The following ZNF92 variants were observed in gnomAD, a reference collection of about 807,000 sequenced individuals.
The protein encoded by ZNF92 is zinc finger protein 92.
A neutral mutation model predicts 12.4 loss-of-function variants in ZNF92; 11 were observed. That is an observed-to-expected ratio of 0.89 (90% confidence interval 0.56 to 1.47). The LOEUF is 1.47. ZNF92 is among the 40% of genes most tolerant of loss of function. The probability of loss-of-function intolerance (pLI) is 0.00; values close to 1 mark genes in which losing one functional copy is unlikely to be tolerated. For missense variants in ZNF92, 622 were observed against 681.0 expected (o/e 0.91, Z 0.96); for synonymous variants, 206 against 228.6 (o/e 0.90, Z 0.89).
At chr7:65,381,767 T>A (rs1169016947) in intron 1 of ZNF92, among the ~76,000 whole-genome samples, 1 of 152,146 alleles carries the variant, frequency 6.6e-6, no homozygotes, top group East Asian at 1.9e-4. Flanking sequence ...AGCTATTTAT[T>A]ACAACACCAT....
At chr7:65,390,089 T>G (rs1793671465) in intron 3 of ZNF92, among the ~76,000 whole-genome samples, 1 of 152,260 alleles carries the variant, frequency 6.6e-6, no homozygotes, top group South Asian at 2.1e-4. Context: ...TAAGATTGTT[T>G]TTTTCCTCTT....
At chr7:65,381,601 C>T (rs951928964) in intron 1 of ZNF92, among the ~76,000 whole-genome samples, 7 of 151,934 alleles carry the variant, frequency 4.6e-5, no homozygotes, top group East Asian at 3.9e-4. Flanking sequence ...ATCATAATAT[C>T]GTTGGCAGTT....
rs1793977825 is a variant in ZNF92, at chr7:65,400,231, C to T, written c.*356C>T. On this transcript the variant is annotated 3_prime_UTR_variant, in exon 4 of 4. Transcript: ENST00000328747. ...AGCCTTTAATACGAGGAAGAGTATT[C>T]TTAAGATGAACATTACAAATAGAAA... is the stretch of plus-strand genomic sequence containing the variant. The T allele has an allele frequency of 6.0e-6, 1 of 167,512 alleles. No individual in the cohort carries two copies. Among genetic ancestry groups the T allele is most frequent in the African/African-American group, 2.4e-5 (1 of 41,642 alleles). The allele number at this position is 167,512 out of a possible 1,614,324, so 10.4% of individuals were successfully genotyped here. A position where few individuals can be genotyped will look rare whatever the true frequency, so the allele number is the denominator to read the frequency against.
intron 1 of ZNF92, among the ~76,000 whole-genome samples, chr7:65,377,450 G>C (rs1315302250): frequency 6.6e-6 from 1 of 152,156 alleles, no homozygotes; most frequent in African/African-American, 2.4e-5. Flanking sequence ...CATTAAGATG[G>C]AAGGGGATTG....
rs1793969376 is a variant in ZNF92 at position 65,400,007 on chromosome 7, T to C, written c.*132T>C. 4.9e-6 allele frequency: 4 copies of C among 815,806 alleles called. No individual in the cohort carries two copies. The highest frequency in any genetic ancestry group is 3.3e-5 in the Admixed American group (1 of 30,160). 50.5% of individuals were successfully genotyped at this position (815,806 alleles called of 1,614,324 possible). On this transcript the variant is annotated 3_prime_UTR_variant, in exon 4 of 4. Transcript: ENST00000328747. ...GCTTGATTGTAGGTAAGATAATTTA[T>C]ATTGGAGAAAAATCCTCCAAGTATG...
At chr7:65,392,071 T>TAC (rs1174542105) in intron 3 of ZNF92, among the ~76,000 whole-genome samples, 1 of 152,152 alleles carries the variant, frequency 6.6e-6, no homozygotes, top group East Asian at 1.9e-4. Flanking sequence ...CTTCTGTTTG[T>TAC]ACACTTTAAG....
rs573014203 is a variant in ZNF92, at chr7:65,379,563, C to T, written c.3+5563C>T. On this transcript the variant is annotated intron_variant, in intron 1 of 3. Coordinates refer to ENST00000328747, the MANE Select transcript of ZNF92 (RefSeq NM_152626.4). ...ATTCCCACCCACTTACAAACATACT[C>T]ACTAGACATTGATGTGCACACACTC... Among the ~76,000 whole-genome samples the T allele has an allele frequency of 1.5e-4, 23 of 152,254 alleles. 1 individual carries two copies. Among genetic ancestry groups the T allele is most frequent in the African/African-American group, 5.1e-4 (21 of 41,558 alleles).
In ZNF92 at chr7:65,373,892, A is replaced by C. The variant is rs1188205797; in HGVS notation, c.-106A>C. On this transcript the variant is annotated 5_prime_UTR_variant, in exon 1 of 4. Transcript: ENST00000328747. Reference sequence around the variant, plus strand: ...AGCCGGCGCTCCACGTCTAGTCTTCACTGCTCTGCGTCCTGTGCTGATAAA... The same window carrying C: ...AGCCGGCGCTCCACGTCTAGTCTTCCCTGCTCTGCGTCCTGTGCTGATAAA... 19 of 1,515,342 alleles carry C rather than the reference A, an allele frequency of 1.3e-5. No homozygotes were observed. The highest frequency in any genetic ancestry group is 1.7e-5 in the Admixed American group (1 of 59,734). 93.9% of individuals were successfully genotyped at this position (1,515,342 alleles called of 1,614,324 possible). A position where few individuals can be genotyped will look rare whatever the true frequency, so the allele number is the denominator to read the frequency against.
intron 3 of ZNF92, among the ~76,000 whole-genome samples, chr7:65,392,550 T>C (rs1409898373): frequency 6.6e-6 from 1 of 151,228 alleles, no homozygotes; most frequent in African/African-American, 2.4e-5. Flanking sequence ...TTTTTTTTTT[T>C]TTTGAGATGG....
rs1793905465 is a variant in ZNF92 at position 65,398,506 on chromosome 7, A to G, written c.392A>G (p.Asn131Ser). ...DACKVYKGGYNGLNQCLTTTD... is the reference protein window; with the variant it reads ...DACKVYKGGYSGLNQCLTTTD... ...TGTAAGGTGTACAAAGGAGGTTATA[A>G]TGGACTTAACCAGTGTTTGACAACT... Residue 131 changes from asparagine (N) to serine (S), a missense_variant, in exon 4 of 4, where the codon AAT becomes AGT. By Grantham distance (46) the Asn-to-Ser change is conservative. Coordinates refer to ENST00000328747, the MANE Select transcript of ZNF92 (RefSeq NM_152626.4). 6.2e-7 allele frequency: 1 copy of G among 1,612,722 alleles called. No individual in the cohort carries two copies. The highest frequency in any genetic ancestry group is 1.3e-5 in the African/African-American group (1 of 74,830).
At chr7:65,397,596 TA>T (rs986206968) in intron 3 of ZNF92, among the ~76,000 whole-genome samples, 6 of 151,958 alleles carry the variant, frequency 3.9e-5, no homozygotes, top group East Asian at 1.9e-4. Flanking sequence ...ATTTGGACAT[TA>T]AAAAAAAGCT....
At chr7:65,389,780 G>T (rs977959790) in intron 3 of ZNF92, among the ~76,000 whole-genome samples, 7 of 151,788 alleles carry the variant, frequency 4.6e-5, no homozygotes, top group African/African-American at 1.7e-4. Flanking sequence ...CTCCCAAAGT[G>T]CTGGGATTAC....
In ZNF92 at chr7:65,387,974, C is replaced by T. The variant is rs780507954; in HGVS notation, c.76C>T (p.Arg26Trp). 24 of 1,608,520 alleles carry T rather than the reference C, an allele frequency of 1.5e-5. No individual in the cohort carries two copies. The highest frequency in any genetic ancestry group is 1.7e-4 in the Middle Eastern group (1 of 6,038). The change falls in exon 2 of 4, where the codon CGG (arginine) becomes TGG (tryptophan). Residue 26 changes from arginine to tryptophan, a missense_variant. Physicochemically the swap from Arg to Trp is moderately radical, Grantham distance 101. Coordinates refer to ENST00000328747, the MANE Select transcript of ZNF92 (RefSeq NM_152626.4). ...ATGGCAATGCCTGGACACTGCGCAG[C>T]GGAATTTATATAGAGATGTGATGTT... Reference protein sequence around the residue: ...EEWQCLDTAQRNLYRDVMLEN... With the variant: ...EEWQCLDTAQWNLYRDVMLEN...
At chr7:65,377,368 A>T (rs887711927) in intron 1 of ZNF92, among the ~76,000 whole-genome samples, 1 of 152,002 alleles carries the variant, frequency 6.6e-6, no homozygotes, top group Non-Finnish European at 1.5e-5. Flanking sequence ...CCCCAGCCAT[A>T]GAAGAAGTCT....
chr7:65,375,740 C>T (rs894621238), intron 1 of ZNF92, among the ~76,000 whole-genome samples: 4 of 151,572 alleles, frequency 2.6e-5, no homozygotes, highest in Non-Finnish European at 5.9e-5. Context: ...CCCAGCTACT[C>T]GGGAGGCTGA....
At chr7:65,380,937 GTT>G (rs1242675643) in intron 1 of ZNF92, among the ~76,000 whole-genome samples, 1 of 151,714 alleles carries the variant, frequency 6.6e-6, no homozygotes, top group Non-Finnish European at 1.5e-5. Flanking sequence ...TTTTTTGTTT[GTT>G]TGTTTGCATC....
At chr7:65,374,088 C>G in intron 1 of ZNF92, 88 bp downstream of exon 1, 1 of 1,571,946 alleles carries the variant, frequency 6.4e-7, no homozygotes, top group Non-Finnish European at 8.7e-7. Flanking sequence ...TCGGGCCTTC[C>G]CGCAGTCGGC....
chr7:65,399,117 C>T lies in ZNF92; in HGVS notation c.1003C>T (p.His335Tyr), dbSNP rs779790762. Residue 335 changes from histidine to tyrosine, a missense_variant, in exon 4 of 4, where the codon CAT (histidine) becomes TAT (tyrosine). Transcript: ENST00000328747. ...AATTCTTAAAAAACATAAGATAATC[C>T]ATACTGGGGAAAAACCATACAAATG... Reference protein sequence around the residue: ...FSILKKHKIIHTGEKPYKCEE... With the variant: ...FSILKKHKIIYTGEKPYKCEE... 6.2e-7 allele frequency: 1 copy of T among 1,612,664 alleles called. No homozygotes were observed. Among genetic ancestry groups the T allele is most frequent in the Admixed American group, 1.7e-5 (1 of 59,870 alleles).
intron 3 of ZNF92, among the ~76,000 whole-genome samples, chr7:65,395,328 A>G (rs745699747): frequency 6.6e-6 from 1 of 152,130 alleles, no homozygotes; most frequent in African/African-American, 2.4e-5. Context: ...GTGTTGGGTT[A>G]TAGGCATGAG....
Sources: allele counts gnomAD v4.1 joint callset (sites outside exome capture counted in the v4.1 genomes callset), GRCh38; gene constraint gnomAD v4.1.1; transcripts MANE v1.5; gene names NCBI Gene and HGNC (gene_info 2026-07-23, HGNC 2026-07-21).